Variants in TANGO6 observed in about 807,000 individuals in gnomAD.
TANGO6 encodes transport and Golgi organization protein 6 homolog.
A neutral mutation model predicts 114.2 loss-of-function variants in TANGO6; 90 were observed. That is an observed-to-expected ratio of 0.79 (90% CI 0.66 to 0.94). TANGO6 has a LOEUF of 0.94. Ranked by LOEUF, TANGO6 falls within the 40% of genes least tolerant of loss-of-function variation. The probability of loss-of-function intolerance (pLI) is 0.00; values close to 1 mark genes in which losing one functional copy is unlikely to be tolerated. For synonymous variants in TANGO6, 477 were observed against 509.8 expected, an observed-to-expected ratio of 0.94 and a Z score of 0.87; for missense variants, 1,274 against 1,315.3, an observed-to-expected ratio of 0.97 and a Z score of 0.49.
chr16:69,048,258 A>ATTT (rs71383949), intron 17 of TANGO6, among the ~76,000 whole-genome samples: 1,780 of 111,346 alleles, frequency 0.016, no homozygotes, highest in African/African-American at 0.019. Context: ...AATTTTTTGT[A>ATTT]TTTTTTTTTT....
chr16:69,009,902 TG>T (rs1964129908), intron 15 of TANGO6, among the ~76,000 whole-genome samples: 1 of 152,208 alleles, frequency 6.6e-6, no homozygotes, highest in South Asian at 2.1e-4. Flanking sequence ...ATCAGTTGCT[TG>T]AAGTGAATTA....
intron 14 of TANGO6, among the ~76,000 whole-genome samples, chr16:68,961,330 C>T (rs890842073): frequency 6.6e-6 from 1 of 152,220 alleles, no homozygotes; most frequent in Non-Finnish European, 1.5e-5. Flanking sequence ...AGTGACTGAG[C>T]ATGCGGGTTT....
intron 3 of TANGO6, 90 bp from the exon 4 acceptor site, chr16:68,866,989 T>G (rs1962188233): frequency 3.5e-6 from 2 of 564,570 alleles, no homozygotes; most frequent in Admixed American, 9.2e-5. Context: ...TTTTTTTTTT[T>G]TTTTTTTTTT....
intron 14 of TANGO6, among the ~76,000 whole-genome samples, chr16:68,973,682 T>C (rs948745234): frequency 6.6e-6 from 1 of 152,194 alleles, no homozygotes; most frequent in Non-Finnish European, 1.5e-5. Context: ...AATGTTTCCT[T>C]GTGGAAACTG....
intron 7 of TANGO6, among the ~76,000 whole-genome samples, chr16:68,894,110 G>A (rs773313048): frequency 6.6e-6 from 1 of 152,216 alleles, no homozygotes; most frequent in African/African-American, 2.4e-5. Flanking sequence ...TCATGGGAAG[G>A]ATTATTCCTT....
intron 17 of TANGO6, among the ~76,000 whole-genome samples, chr16:69,069,224 C>G (rs1189427191): frequency 2.6e-5 from 4 of 152,190 alleles, no homozygotes; most frequent in Non-Finnish European, 5.9e-5. Context: ...GTCTGCCTCC[C>G]CAACAGGGTG....
Position 68,945,959 on chromosome 16 carries a change from A to T in TANGO6, c.2701+15664A>T, listed in dbSNP as rs1028226491. 3.3e-5 allele frequency among the ~76,000 whole-genome samples: 5 copies of T among 152,314 alleles called. No homozygotes were observed. In the East Asian group the frequency reaches 9.6e-4, roughly 29 times the overall value. On this transcript the variant is annotated intron_variant, in intron 14 of 17. Coordinates refer to ENST00000261778, the MANE Select transcript of TANGO6 (RefSeq NM_024562.2). The stretch of plus-strand genomic sequence containing the variant: ...CTTGGCCTCCCAAAATGCTAGGATT[A>T]TAGGCGTGAGCCACTGCGCCCAGCC...
intron 1 of TANGO6, 146 bp from the exon 2 acceptor site, chr16:68,859,738 T>C (rs1596991228): frequency 1.2e-6 from 1 of 824,726 alleles, no homozygotes; most frequent in Non-Finnish European, 1.8e-6. Context: ...ATAGGCTGGG[T>C]TGGTACCCCT....
At chr16:68,893,083 A>G (rs1434508048) in intron 7 of TANGO6, among the ~76,000 whole-genome samples, 1 of 152,226 alleles carries the variant, frequency 6.6e-6, no homozygotes, top group Non-Finnish European at 1.5e-5. Context: ...AACTTGTTAC[A>G]TCTGGTCACA....
At chr16:68,860,680 C>A (rs1430344414) in intron 2 of TANGO6, among the ~76,000 whole-genome samples, 156 bp downstream of exon 2, 1 of 151,990 alleles carries the variant, frequency 6.6e-6, no homozygotes, top group East Asian at 1.9e-4. Flanking sequence ...TGGGGGTGGG[C>A]GCAAGTTTCA....
chr16:68,865,765 A>C (rs1469563558), intron 3 of TANGO6, among the ~76,000 whole-genome samples: 2 of 151,810 alleles, frequency 1.3e-5, no homozygotes, highest in Admixed American at 1.3e-4. Flanking sequence ...AAAAAAAAAA[A>C]AAAATAGCCT....
At chr16:69,005,370 T>G (rs1964083107) in intron 15 of TANGO6, among the ~76,000 whole-genome samples, 1 of 152,164 alleles carries the variant, frequency 6.6e-6, no homozygotes, top group Non-Finnish European at 1.5e-5. Flanking sequence ...GAAGTGGCCT[T>G]CCAGGTGTGC....
chr16:68,863,703 CA>C (rs1467526139), intron 3 of TANGO6, among the ~76,000 whole-genome samples: 1 of 152,164 alleles, frequency 6.6e-6, no homozygotes, highest in Admixed American at 6.5e-5. Context: ...TGCTGTTTGA[CA>C]AAACATTCTT....
intron 13 of TANGO6, 115 bp downstream of exon 13, chr16:68,928,198 A>C: frequency 7.7e-7 from 1 of 1,290,526 alleles, no homozygotes; most frequent in Non-Finnish European, 1.0e-6. Context: ...CCCTCCAGAA[A>C]TTTGTGAATT....
chr16:68,877,614 A>T (rs909305825), intron 5 of TANGO6, among the ~76,000 whole-genome samples: 12 of 148,102 alleles, frequency 8.1e-5, no homozygotes, highest in South Asian at 6.5e-4. Flanking sequence ...GGCAAAAAAA[A>T]TTTTTTTTTT....
intron 14 of TANGO6, among the ~76,000 whole-genome samples, chr16:68,932,113 G>A (rs1029549216): frequency 3.4e-5 from 5 of 148,640 alleles, no homozygotes; most frequent in Admixed American, 6.7e-5. Context: ...TTTTTGAGAC[G>A]GAGTTTCACT....
rs377213510 is a variant in TANGO6 at position 68,875,160 on chromosome 16, C to G, written c.1001C>G (p.Ala334Gly). The change falls in exon 5 of 18, where the codon GCA becomes GGA. Residue 334 changes from alanine (A) to glycine (G), a missense_variant. This residue lies in a region of TANGO6 where 908 missense variants were observed against 910.2 expected (regional missense o/e 1.00). Transcript: ENST00000261778. ...RGILEGAGAG[A>G]AGGSDAEVTA... Reference sequence around the variant, plus strand: ...TCTCTCTCCATTGTGCCAGCGGGAGCAGCTGGTGGAAGTGATGCTGAGGTG... The same window carrying G: ...TCTCTCTCCATTGTGCCAGCGGGAGGAGCTGGTGGAAGTGATGCTGAGGTG... The G allele has an allele frequency of 2.5e-6, 4 of 1,610,466 alleles. No individual in the cohort carries two copies. In the South Asian group the frequency reaches 4.4e-5, roughly 18 times the overall value.
chr16:68,933,373 C>A (rs1185226584), intron 14 of TANGO6, among the ~76,000 whole-genome samples: 1 of 152,182 alleles, frequency 6.6e-6, no homozygotes, highest in African/African-American at 2.4e-5. Context: ...CGAGATGGCA[C>A]CACTGCACTC....
intron 1 of TANGO6, among the ~76,000 whole-genome samples, chr16:68,849,491 A>T (rs1205808069): frequency 6.6e-6 from 1 of 152,026 alleles, no homozygotes. Flanking sequence ...ACAGAAATTA[A>T]AAAAAACAAA....
Sources: gnomAD v4.1 joint callset for allele counts (sites outside exome capture counted in the v4.1 genomes callset) on GRCh38, gnomAD v4.1.1 for gene constraint, gnomAD v4.1.1 regional missense constraint, MANE v1.5 for transcripts, NCBI Gene and HGNC (gene_info 2026-07-23, HGNC 2026-07-21) for gene names.